LRRTM4: variants seen among roughly 807,000 people sequenced by gnomAD.
LRRTM4 encodes leucine-rich repeat transmembrane neuronal protein 4.
A neutral mutation model predicts 47.6 loss-of-function variants in LRRTM4; 25 were observed. That is an observed-to-expected ratio of 0.53 (90% CI 0.38 to 0.73). The LOEUF (loss-of-function observed/expected upper bound fraction) is 0.73, where lower values mean the gene tolerates loss of function less well. LRRTM4 is among the 30% of genes least tolerant of loss of function. The pLI is 0.00. For synonymous variants in LRRTM4, 311 were observed against 269.5 expected, an observed-to-expected ratio of 1.15 and a Z score of -1.51; for missense variants, 638 against 713.4, an observed-to-expected ratio of 0.89 and a Z score of 1.20.
In LRRTM4 at chr2:76,967,833, A is replaced by G. The variant is rs1676079640; in HGVS notation, c.1552-218917T>C. Reference sequence around the variant, plus strand: ...GCTTTGCTTTTTTTTTTAAATCACAACTTGTAAATACTCATGCTATAATAT... The same window carrying G: ...GCTTTGCTTTTTTTTTTAAATCACAGCTTGTAAATACTCATGCTATAATAT... On this transcript the variant is annotated intron_variant, in intron 3 of 3. Transcript: ENST00000409884. Among the ~76,000 whole-genome samples, 3 of 151,398 alleles carry G rather than the reference A, an allele frequency of 2.0e-5. No homozygotes were observed. In the South Asian group the frequency reaches 6.2e-4, roughly 31 times the overall value.
Position 76,952,088 on chromosome 2 carries a change from T to C in LRRTM4, c.1552-203172A>G, listed in dbSNP as rs796772074. Among the ~76,000 whole-genome samples the C allele has an allele frequency of 5.9e-5, 9 of 152,030 alleles. No individual in the cohort carries two copies. The East Asian group carries it at 1.4e-3, about 23-fold the overall frequency. Reference sequence around the variant, plus strand: ...ATTGTCAACAGTGCAGCAATAAACATAGGTGTGCATGTGTCTTTGTAGTAG... The same window carrying C: ...ATTGTCAACAGTGCAGCAATAAACACAGGTGTGCATGTGTCTTTGTAGTAG... On this transcript the variant is annotated intron_variant, in intron 3 of 3. Coordinates refer to ENST00000409884, the MANE Select transcript of LRRTM4 (RefSeq NM_001134745.3).
rs545317543 is a variant in LRRTM4, at chr2:76,952,943, C to G, written c.1552-204027G>C. ...ATATTAATGCAGGAAAAGGAAACTA[C>G]TGCCTGTTCTCCCTTATAAGTGGGA... On this transcript the variant is annotated intron_variant, in intron 3 of 3. Transcript: ENST00000409884. Among the ~76,000 whole-genome samples the G allele has an allele frequency of 5.3e-5, 8 of 151,970 alleles. No homozygotes were observed. The South Asian group carries it at 1.2e-3, about 24-fold the overall frequency.
At chr2:76,968,212 A>C (rs555866033) in intron 3 of LRRTM4, among the ~76,000 whole-genome samples, 2 of 151,050 alleles carry the variant, frequency 1.3e-5, no homozygotes, top group East Asian at 3.9e-4. Context: ...TTCAGTAATG[A>C]TAATCAAATT....
At chr2:77,447,556 C>T (rs1676102254) in intron 3 of LRRTM4, among the ~76,000 whole-genome samples, 1 of 152,256 alleles carries the variant, frequency 6.6e-6, no homozygotes, top group Admixed American at 6.5e-5. Context: ...TTTATAATAA[C>T]TCACAAGCTT....
chr2:76,874,836 C>T (rs1280173017), intron 3 of LRRTM4, among the ~76,000 whole-genome samples: 5 of 151,288 alleles, frequency 3.3e-5, no homozygotes, highest in Admixed American at 3.3e-4. Flanking sequence ...TTGTTTATTT[C>T]TTAAACTTTG....
intron 3 of LRRTM4, among the ~76,000 whole-genome samples, chr2:76,879,451 T>G (rs1672867833): frequency 6.6e-6 from 1 of 152,196 alleles, no homozygotes; most frequent in Non-Finnish European, 1.5e-5. Context: ...AGACAGAACA[T>G]CTGTTTACAG....
At chr2:77,278,906 T>C (rs1676437473) in intron 3 of LRRTM4, among the ~76,000 whole-genome samples, 1 of 152,016 alleles carries the variant, frequency 6.6e-6, no homozygotes, top group African/African-American at 2.4e-5. Flanking sequence ...AGTGTGCCCT[T>C]TGTACTTTGG....
intron 3 of LRRTM4, among the ~76,000 whole-genome samples, chr2:76,780,188 C>T (rs1375544349): frequency 6.6e-6 from 1 of 152,136 alleles, no homozygotes; most frequent in African/African-American, 2.4e-5. Flanking sequence ...TCTGGCTGCC[C>T]TTAACATTTT....
At chr2:77,263,632 G>C (rs1176517386) in intron 3 of LRRTM4, among the ~76,000 whole-genome samples, 1 of 152,138 alleles carries the variant, frequency 6.6e-6, no homozygotes, top group African/African-American at 2.4e-5. Flanking sequence ...TGTTAAGTGA[G>C]TGTTAAGAGT....
In LRRTM4 at chr2:76,920,893, CACTT is replaced by C. The variant is rs1229225980; in HGVS notation, c.1552-171981_1552-171978del. ...GTCTCTGTTTTCTTCAATTTAAACA[CACTT>C]ACAAAATTTAGAACAGTCTTAGATT... is the stretch of plus-strand genomic sequence containing the variant. On this transcript the variant is annotated intron_variant, in intron 3 of 3. Coordinates refer to ENST00000409884, the MANE Select transcript of LRRTM4 (RefSeq NM_001134745.3). 2.6e-5 allele frequency among the ~76,000 whole-genome samples: 4 copies of C among 151,862 alleles called. No individual in the cohort carries two copies. The Admixed American group carries it at 2.6e-4, about 10-fold the overall frequency.
At chr2:77,066,233 G>A (rs75091313) in intron 3 of LRRTM4, among the ~76,000 whole-genome samples, 3,316 of 151,140 alleles carry the variant, frequency 0.022, 47 homozygotes, top group Non-Finnish European at 0.032. Context: ...AATATAGTAC[G>A]TAGGTTTTTA....
chr2:76,948,608 T>A (rs1675400596), intron 3 of LRRTM4, among the ~76,000 whole-genome samples: 1 of 151,754 alleles, frequency 6.6e-6, no homozygotes, highest in Admixed American at 6.6e-5. Context: ...CTCTTATACA[T>A]CTAAACCACC....
At chr2:76,984,165 C>A (rs946030432) in intron 3 of LRRTM4, among the ~76,000 whole-genome samples, 1 of 146,896 alleles carries the variant, frequency 6.8e-6, no homozygotes, top group East Asian at 2.3e-4. Context: ...AGAAGAAAAT[C>A]ATCTGACTGA....
chr2:77,171,796 A>G (rs1335476196), intron 3 of LRRTM4, among the ~76,000 whole-genome samples: 1 of 152,078 alleles, frequency 6.6e-6, no homozygotes, highest in Non-Finnish European at 1.5e-5. Context: ...TAAAAGAAAA[A>G]GTCATGAAAG....
intron 3 of LRRTM4, among the ~76,000 whole-genome samples, chr2:76,949,548 T>C (rs1039361468): frequency 3.3e-5 from 5 of 151,830 alleles, no homozygotes; most frequent in Non-Finnish European, 5.9e-5. Flanking sequence ...TGAGAGAAAT[T>C]TCAGCTGTTG....
chr2:76,774,782 TTC>T (rs568730861), intron 3 of LRRTM4, among the ~76,000 whole-genome samples: 144 of 152,304 alleles, frequency 9.5e-4, no homozygotes, highest in Non-Finnish European at 1.6e-3. Flanking sequence ...CTAAAAACAT[TTC>T]TATAGAGTAC....
chr2:77,357,722 T>G (rs1393276985), intron 3 of LRRTM4, among the ~76,000 whole-genome samples: 1 of 152,222 alleles, frequency 6.6e-6, no homozygotes, highest in Non-Finnish European at 1.5e-5. Context: ...CTTACTTTAT[T>G]AAATGACTTT....
chr2:76,951,356 G>A (rs904251087), intron 3 of LRRTM4, among the ~76,000 whole-genome samples: 1 of 151,926 alleles, frequency 6.6e-6, no homozygotes, highest in South Asian at 2.1e-4. Flanking sequence ...TTTTTTCTAG[G>A]TATCGGAGTC....
chr2:77,143,107 G>C (rs1364237849), intron 3 of LRRTM4, among the ~76,000 whole-genome samples: 1 of 152,116 alleles, frequency 6.6e-6, no homozygotes, highest in African/African-American at 2.4e-5. Flanking sequence ...TGGATTAAAA[G>C]TATTACATAC....
Sources: gnomAD v4.1 joint callset for allele counts (sites outside exome capture counted in the v4.1 genomes callset) on GRCh38, gnomAD v4.1.1 for gene constraint, MANE v1.5 for transcripts, NCBI Gene and HGNC (gene_info 2026-07-23, HGNC 2026-07-21) for gene names.